The following DAW1 variants were observed in gnomAD, a reference collection of about 807,000 sequenced individuals.
DAW1 encodes the protein dynein assembly factor with WD repeats 1, also known as dynein assembly factor with WD repeat domains 1.
Under a neutral mutation model 56.5 loss-of-function variants are expected in DAW1, and 47 were observed. That is an observed-to-expected ratio of 0.83 (90% CI 0.66 to 1.06). DAW1 has a LOEUF of 1.06. DAW1 is among the 50% of genes least tolerant of loss of function. DAW1 has a pLI of 0.00. For synonymous variants in DAW1, 190 were observed against 179.0 expected, an observed-to-expected ratio of 1.06 and a Z score of -0.49; for missense variants, 505 against 499.3, an observed-to-expected ratio of 1.01 and a Z score of -0.11.
At chr2:227,905,972 T>C (rs1191806292) in intron 8 of DAW1, among the ~76,000 whole-genome samples, 4 of 152,154 alleles carry the variant, frequency 2.6e-5, no homozygotes, top group African/African-American at 7.2e-5. Context: ...GCCAGGATGG[T>C]CTCTATCTCC....
chr2:227,907,103 C>CTTTTTTTTTTTTTTTTTTT (rs370563385), intron 9 of DAW1, 35 bp from the exon 10 acceptor site: 1 of 900,228 alleles, frequency 1.1e-6, no homozygotes, highest in African/African-American at 1.7e-5. Flanking sequence ...AAGTCATAGT[C>CTTTTTTTTTTTTTTTTTTT]TTTTTTTTTT....
intron 1 of DAW1, among the ~76,000 whole-genome samples, chr2:227,876,666 G>C (rs1297640641): frequency 6.6e-6 from 1 of 152,160 alleles, no homozygotes; most frequent in Non-Finnish European, 1.5e-5. Flanking sequence ...GCATTGTCTT[G>C]CTGCTATCTA....
At chr2:227,893,401 C>T (rs1359977872) in intron 4 of DAW1, among the ~76,000 whole-genome samples, 1 of 151,984 alleles carries the variant, frequency 6.6e-6, no homozygotes, top group Non-Finnish European at 1.5e-5. Flanking sequence ...CGTGGTGTGT[C>T]ACACCTGTAA....
intron 12 of DAW1, among the ~76,000 whole-genome samples, chr2:227,921,819 C>T (rs1294614901): frequency 2.0e-5 from 3 of 152,166 alleles, no homozygotes; most frequent in Non-Finnish European, 4.4e-5. Flanking sequence ...AATTTGATAG[C>T]CTGCCTTACA....
chr2:227,902,968 C>T, intron 6 of DAW1, 34 bp from the exon 7 acceptor site: 2 of 1,595,662 alleles, frequency 1.3e-6, no homozygotes, highest in South Asian at 2.2e-5. Context: ...GAAACTCTGT[C>T]TTCCTAAAAT....
Position 227,918,187 on chromosome 2 carries a change from C to CCATCATCCATCCATCCATCCATCCAT in DAW1, c.974-589_974-588insATCCATCCATCCATCCATCCATCATC, listed in dbSNP as rs1553604212. 1.7e-3 allele frequency among the ~76,000 whole-genome samples: 162 copies of CCATCATCCATCCATCCATCCATCCAT among 96,122 alleles called. 2 individuals carry two copies. The highest frequency in any genetic ancestry group is 8.4e-3 in the South Asian group (27 of 3,218). 63.1% of individuals were successfully genotyped at this position (96,122 alleles called of 152,430 possible). ...ATCCATCCATCATCCATCCATCCAT[C>CCATCATCCATCCATCCATCCATCCAT]CATCCATCCATCCATCCATCCATCC... is the stretch of plus-strand genomic sequence containing the variant. On this transcript the variant is annotated intron_variant, in intron 10 of 12. Transcript: ENST00000309931.
chr2:227,886,585 C>T (rs1398613323), intron 2 of DAW1, among the ~76,000 whole-genome samples: 1 of 152,048 alleles, frequency 6.6e-6, no homozygotes, highest in East Asian at 1.9e-4. Flanking sequence ...GTGCTGTACT[C>T]CAACATGGGT....
chr2:227,911,225 T>C (rs1315682178), intron 10 of DAW1, among the ~76,000 whole-genome samples: 10 of 130,590 alleles, frequency 7.7e-5, no homozygotes, highest in African/African-American at 2.9e-4. Flanking sequence ...TATACATACA[T>C]ATGTGTATAT....
At chr2:227,875,420 C>G (rs1364211164) in intron 1 of DAW1, among the ~76,000 whole-genome samples, 1 of 152,166 alleles carries the variant, frequency 6.6e-6, no homozygotes. Flanking sequence ...CCATGATCCC[C>G]AAGGCCCTGC....
intron 5 of DAW1, among the ~76,000 whole-genome samples, chr2:227,897,730 G>C (rs755016666): frequency 6.6e-6 from 1 of 152,236 alleles, no homozygotes; most frequent in East Asian, 1.9e-4. Context: ...GACAAGCACC[G>C]TCTAAATTCT....
chr2:227,876,356 C>A, intron 1 of DAW1: 3 of 1,094,962 alleles, frequency 2.7e-6, no homozygotes, highest in Non-Finnish European at 3.6e-6. Context: ...ATTCTCTTGA[C>A]TCATGTTTGC....
Position 227,921,305 on chromosome 2 carries a change from CTTTTTTTTTTTTTTTTTT to C in DAW1, c.1051-83_1051-66del, listed in dbSNP as rs556409280. 61 of 436,340 alleles carry C rather than the reference CTTTTTTTTTTTTTTTTTT, an allele frequency of 1.4e-4. 1 individual carries two copies. Among genetic ancestry groups the C allele is most frequent in the Non-Finnish European group, 1.8e-4 (51 of 279,530 alleles). The allele number at this position is 436,340 out of a possible 1,614,324, so 27.0% of individuals were successfully genotyped here. On this transcript the variant is annotated intron_variant, in intron 11 of 12. Coordinates refer to ENST00000309931, the MANE Select transcript of DAW1 (RefSeq NM_178821.3). ...GGAAGGTGACATGTGCTGTAATGTCCTTTTTTTTTTTTTTTTTTTTTTTTTTTTGCTGATAAGAAATGT... is the reference window on the plus strand; with the variant it reads ...GGAAGGTGACATGTGCTGTAATGTCCTTTTTTTTTTGCTGATAAGAAATGT...
chr2:227,896,126 C>A (rs1691401783), intron 5 of DAW1, among the ~76,000 whole-genome samples: 1 of 152,030 alleles, frequency 6.6e-6, no homozygotes. Context: ...ATTAAGCGTT[C>A]CAATTAAGTT....
intron 10 of DAW1, among the ~76,000 whole-genome samples, chr2:227,915,486 A>G (rs149282929): frequency 5.3e-5 from 8 of 152,200 alleles, no homozygotes; most frequent in Admixed American, 2.0e-4. Flanking sequence ...TGTCTGCATT[A>G]TCTCTTTGAA....
intron 1 of DAW1, among the ~76,000 whole-genome samples, chr2:227,873,948 T>C (rs1396982572): frequency 6.6e-6 from 1 of 152,212 alleles, no homozygotes; most frequent in Non-Finnish European, 1.5e-5. Flanking sequence ...CCCAAAGTGC[T>C]GGGATTACAG....
In DAW1 at chr2:227,891,268, A is replaced by T; in HGVS notation, c.272A>T (p.His91Leu). The T allele has an allele frequency of 6.2e-7, 1 of 1,613,380 alleles. No homozygotes were observed. Among genetic ancestry groups the T allele is most frequent in the Non-Finnish European group, 8.5e-7 (1 of 1,179,764 alleles). Reference protein sequence around the residue: ...TFYLFKVLKAHILPLTNVALN... With the variant: ...TFYLFKVLKALILPLTNVALN... ...CTTTCACTGAAGGTTCTCAAAGCACATATATTGCCACTGACTAATGTTGCA... is the reference window on the plus strand; with the variant it reads ...CTTTCACTGAAGGTTCTCAAAGCACTTATATTGCCACTGACTAATGTTGCA... Residue 91 changes from histidine (H) to leucine (L), a missense_variant, in exon 4 of 13, where the codon CAT becomes CTT. Physicochemically the swap from His to Leu is moderately conservative, Grantham distance 99. Transcript: ENST00000309931.
chr2:227,906,301 C>T lies in DAW1; in HGVS notation c.821C>T (p.Ser274Phe). ...ISSASFNWDC[S>F]LILTGSMDKT... ...AGTGCCTCATTCAATTGGGATTGCT[C>T]TCTAATATTAACTGGCTCTATGGAC... Residue 274 changes from serine (S) to phenylalanine (F), a missense_variant, in exon 9 of 13, where the codon TCT (serine) becomes TTT (phenylalanine). Transcript: ENST00000309931. 6.2e-7 allele frequency: 1 copy of T among 1,612,668 alleles called. No homozygotes were observed. The highest frequency in any genetic ancestry group is 8.5e-7 in the Non-Finnish European group (1 of 1,179,120).
At chr2:227,874,228 A>G (rs1225633319) in intron 1 of DAW1, among the ~76,000 whole-genome samples, 2 of 152,204 alleles carry the variant, frequency 1.3e-5, no homozygotes. Context: ...ATATACAATA[A>G]TAAAAAAACT....
At position 227,873,540 on chromosome 2, in the gene DAW1, T is replaced by C. The variant is rs143619557; in HGVS notation, c.40+1811T>C. 2.2e-3 allele frequency among the ~76,000 whole-genome samples: 336 copies of C among 152,336 alleles called. 3 individuals carry two copies. Among genetic ancestry groups the C allele is most frequent in the African/African-American group, 7.8e-3 (324 of 41,580 alleles). On this transcript the variant is annotated intron_variant, in intron 1 of 12. Coordinates refer to ENST00000309931, the MANE Select transcript of DAW1 (RefSeq NM_178821.3). ...TTAAGGGATGCTGCTTCTGCCTCCC[T>C]GGAAGACCGATCCTGGACAGCTACT...
Sources: allele counts gnomAD v4.1 joint callset (sites outside exome capture counted in the v4.1 genomes callset), GRCh38; gene constraint gnomAD v4.1.1; transcripts MANE v1.5; gene names NCBI Gene and HGNC (gene_info 2026-07-23, HGNC 2026-07-21).